Variants in SIRT7 observed in about 807,000 individuals in gnomAD.
SIRT7 encodes NAD-dependent protein deacetylase sirtuin-7.
A neutral mutation model predicts 42.8 loss-of-function variants in SIRT7; 32 were observed. The observed-to-expected ratio is 0.75, with a 90% confidence interval of 0.56 to 1.00. The LOEUF (loss-of-function observed/expected upper bound fraction) is 1.00, where lower values mean the gene tolerates loss of function less well. SIRT7 is among the 50% of genes least tolerant of loss of function. The pLI, the probability that SIRT7 is intolerant of heterozygous loss-of-function variation, is 0.00. For synonymous variants in SIRT7, 297 were observed against 245.2 expected, an observed-to-expected ratio of 1.21 and a Z score of -1.97; for missense variants, 553 against 572.2, an observed-to-expected ratio of 0.97 and a Z score of 0.34.
At chr17:81,916,976 G>A (rs910735512) in intron 3 of SIRT7, 1 of 152,188 alleles carries the variant, frequency 6.6e-6, no homozygotes, top group Non-Finnish European at 1.5e-5. Flanking sequence ...ACGCAGGTGG[G>A]TTTCCCAACT....
Position 81,918,034 on chromosome 17 carries a change from C to G in SIRT7, c.93+5G>C. ...TGGCCGGGCCGGGGAGCGGCGGCGG[C>G]GTACCTGGCGGAGGCGCTCCCTCTG... On this transcript the variant is annotated splice_donor_5th_base_variant and intron_variant, in intron 1 of 9. Transcript: ENST00000328666. 1 of 1,474,810 alleles carries G rather than the reference C, an allele frequency of 6.8e-7. No homozygotes were observed. The allele number at this position is 1,474,810 out of a possible 1,614,324, so 91.4% of individuals were successfully genotyped here.
Position 81,917,924 on chromosome 17 carries a change from T to C in SIRT7, c.137A>G (p.Glu46Gly), listed in dbSNP as rs1312168926. The change falls in exon 2 of 10, where the codon GAG becomes GGG. Residue 46 changes from glutamate to glycine, a missense_variant. Physicochemically the swap from Glu to Gly is moderately conservative, Grantham distance 98. Transcript: ENST00000328666. Reference protein sequence around the residue: ...LRKAAAERSAEEGRLLAESAD... With the variant: ...LRKAAAERSAGEGRLLAESAD... ...GCTCTCGGCCAGCAGCCGGCCCTCC[T>C]CGGCGCTGCGCTCCGCCGCCGCCTT... 1 of 1,410,290 alleles carries C rather than the reference T, an allele frequency of 7.1e-7. No homozygotes were observed. Among genetic ancestry groups the C allele is most frequent in the Middle Eastern group, 2.5e-4 (1 of 3,952 alleles). The allele number at this position is 1,410,290 out of a possible 1,614,324, so 87.4% of individuals were successfully genotyped here. A position where few individuals can be genotyped will look rare whatever the true frequency, so the allele number is the denominator to read the frequency against.
intron 5 of SIRT7, chr17:81,915,072 T>C: frequency 2.1e-6 from 1 of 479,562 alleles, no homozygotes; most frequent in South Asian, 2.2e-5. Flanking sequence ...CCTAGGCAGA[T>C]CAACCACTAC....
Position 81,913,124 on chromosome 17 carries a change from T to G in SIRT7, c.1005-510A>C, listed in dbSNP as rs1598340160. 1 of 370,216 alleles carries G rather than the reference T, an allele frequency of 2.7e-6. No homozygotes were observed. Among genetic ancestry groups the G allele is most frequent in the East Asian group, 7.4e-5 (1 of 13,502 alleles). The allele number at this position is 370,216 out of a possible 1,614,324, so 22.9% of individuals were successfully genotyped here. A position where few individuals can be genotyped will look rare whatever the true frequency, so the allele number is the denominator to read the frequency against. On this transcript the variant is annotated intron_variant, in intron 9 of 9. Coordinates refer to ENST00000328666, the MANE Select transcript of SIRT7 (RefSeq NM_016538.3). The surrounding 1 kb of genome is among the most constrained non-coding windows in gnomAD (Gnocchi z 5.0). ...AACTTAAGATACAGATACGCACTGATAAGGAAAATGAGCTAAGTTAATGTA... is the reference window on the plus strand; with the variant it reads ...AACTTAAGATACAGATACGCACTGAGAAGGAAAATGAGCTAAGTTAATGTA...
chr17:81,915,331 T>A (rs2040774848), intron 5 of SIRT7, 109 bp downstream of exon 5: 1 of 1,269,244 alleles, frequency 7.9e-7, no homozygotes, highest in Admixed American at 2.0e-5. Context: ...TGGGTGCTCA[T>A]CATGGGAGTC....
intron 2 of SIRT7, 44 bp from the exon 3 acceptor site, chr17:81,917,763 C>T (rs2040833556): frequency 1.4e-6 from 2 of 1,463,632 alleles, no homozygotes; most frequent in East Asian, 2.9e-5. Flanking sequence ...CCGCCCCACC[C>T]GGGACCGCCC....
At chr17:81,915,545 A>G (rs202046080) in intron 4 of SIRT7, 33 bp from the exon 5 acceptor site, 9 of 1,613,318 alleles carry the variant, frequency 5.6e-6, no homozygotes, top group Non-Finnish European at 7.6e-6. Context: ...AGGTGAGGAG[A>G]GCTGGAGCTC....
At chr17:81,916,730 G>A (rs982128961) in intron 3 of SIRT7, 1 of 152,198 alleles carries the variant, frequency 6.6e-6, no homozygotes, top group Non-Finnish European at 1.5e-5. Context: ...CTCCCAAAGT[G>A]CTAGGATTAT....
Position 81,913,817 on chromosome 17 carries a change from G to A in SIRT7, c.961C>T (p.Leu321Phe). The A allele has an allele frequency of 6.5e-7, 1 of 1,549,640 alleles. No individual in the cohort carries two copies. The highest frequency in any genetic ancestry group is 2.4e-5 in the East Asian group (1 of 40,998). The change falls in exon 9 of 10, where the codon CTC becomes TTC. Residue 321 changes from leucine to phenylalanine, a missense_variant. Leu to Phe is a conservative substitution (Grantham distance 22). Coordinates refer to ENST00000328666, the MANE Select transcript of SIRT7 (RefSeq NM_016538.3). The surrounding 1 kb of genome is among the most constrained non-coding windows in gnomAD (Gnocchi z 5.0). Reference protein sequence around the residue: ...LHGKCDDVMRLLMAELGLEIP... With the variant: ...LHGKCDDVMRFLMAELGLEIP... ...TCCAAGCCCAGCTCGGCCATGAGGA[G>A]CCGCATGACGTCATCACACTTCCCA...
At chr17:81,912,786 G>A (rs915015706) in intron 9 of SIRT7, 172 bp from the exon 10 acceptor site, 4 of 710,722 alleles carry the variant, frequency 5.6e-6, no homozygotes, top group Middle Eastern at 3.8e-4. Flanking sequence ...GCTGCAGAAC[G>A]GATGTGGGAG....
chr17:81,915,998 A>G lies in SIRT7; in HGVS notation c.337-317T>C, dbSNP rs567493044. On this transcript the variant is annotated intron_variant, in intron 3 of 9. Transcript: ENST00000328666. The stretch of plus-strand genomic sequence containing the variant: ...GCTCTGTGGCACATGTGTCCTCCAC[A>G]CTGCAGGGGAAGACTAGTCATGTTC... The G allele has an allele frequency of 8.1e-4, 317 of 392,502 alleles. 2 individuals are homozygous for G. Among genetic ancestry groups the G allele is most frequent in the African/African-American group, 6.0e-3 (294 of 48,710 alleles). 24.3% of individuals were successfully genotyped at this position (392,502 alleles called of 1,614,324 possible). A position where few individuals can be genotyped will look rare whatever the true frequency, so the allele number is the denominator to read the frequency against.
In SIRT7 at chr17:81,914,136, A is replaced by G; in HGVS notation, c.848T>C (p.Met283Thr). The G allele has an allele frequency of 6.2e-6, 10 of 1,613,644 alleles. No individual in the cohort carries two copies. The highest frequency in any genetic ancestry group is 8.5e-6 in the Non-Finnish European group (10 of 1,180,028). Residue 283 changes from methionine (M) to threonine (T), a missense_variant, in exon 8 of 10, where the codon ATG (methionine) becomes ACG (threonine). By Grantham distance (81) the Met-to-Thr change is moderately conservative. Transcript: ENST00000328666. ...CGGCCGCCGGCTAGGGGGCTTGGTC[A>G]TGCACCAGAGGCGTGGGTACTTCTT... ...VLKKYPRLWC[M>T]TKPPSRRPKL...
At position 81,915,651 on chromosome 17, in the gene SIRT7, T is replaced by C; in HGVS notation, c.367A>G (p.Asn123Asp). Residue 123 changes from asparagine to aspartate, a missense_variant, in exon 4 of 10, where the codon AAT becomes GAT. By Grantham distance (23) the Asn-to-Asp change is conservative. Transcript: ENST00000328666. ...AASIPDYRGPNGVWTLLQKGR... is the reference protein window; with the variant it reads ...AASIPDYRGPDGVWTLLQKGR... The stretch of plus-strand genomic sequence containing the variant: ...TTCTGAAGCAGTGTCCACACTCCAT[T>C]AGGGCCCCGGTAGTCTGGGATAGAC... 6.2e-7 allele frequency: 1 copy of C among 1,613,918 alleles called. No homozygotes were observed. The highest frequency in any genetic ancestry group is 8.5e-7 in the Non-Finnish European group (1 of 1,180,006).
intron 3 of SIRT7, 190 bp downstream of exon 3, chr17:81,917,425 C>A (rs1191889816): frequency 1.6e-5 from 8 of 504,190 alleles, no homozygotes; most frequent in Non-Finnish European, 2.0e-5. Flanking sequence ...CCATTCGTAT[C>A]TCTACTCCTT....
chr17:81,912,936 C>T (rs1293857485), intron 9 of SIRT7: 1 of 432,510 alleles, frequency 2.3e-6, no homozygotes, highest in Non-Finnish European at 4.3e-6. Context: ...CCTCCGTCTC[C>T]AGGGATGAGT....
At position 81,914,519 on chromosome 17, in the gene SIRT7, G is replaced by A. The variant is rs1396015830; in HGVS notation, c.591C>T (p.Ser197=). Residue 197 remains serine (S), a synonymous_variant, in exon 7 of 10, where the codon TCC becomes TCT. Coordinates refer to ENST00000328666, the MANE Select transcript of SIRT7 (RefSeq NM_016538.3). ...GCACGTACTCCCTGTTGGGAACGCA[G>A]GAGGTACAGACCTAGAGGCAAGAGG... ...HGNMYIEVCT[S]CVPNREYVRV... is the part of the protein sequence containing the mutation. The A allele has an allele frequency of 6.2e-7, 1 of 1,613,254 alleles. No homozygotes were observed. Among genetic ancestry groups the A allele is most frequent in the Admixed American group, 1.7e-5 (1 of 60,026 alleles).
In SIRT7 at chr17:81,913,636, A is replaced by C; in HGVS notation, c.1004+138T>G. 1 of 730,660 alleles carries C rather than the reference A, an allele frequency of 1.4e-6. No individual in the cohort carries two copies. The highest frequency in any genetic ancestry group is 2.3e-6 in the Non-Finnish European group (1 of 441,236). The allele number at this position is 730,660 out of a possible 1,614,324, so 45.3% of individuals were successfully genotyped here. ...ACCACCGAGGTCAGGCCCTCTGGAG[A>C]CCACCACGCTTCAGTCATGCCTCAG... is the stretch of plus-strand genomic sequence containing the variant. On this transcript the variant is annotated intron_variant, in intron 9 of 9. Transcript: ENST00000328666. The surrounding 1 kb of genome is among the most constrained non-coding windows in gnomAD (Gnocchi z 5.0).
chr17:81,912,380 C>G lies in SIRT7; in HGVS notation c.*36G>C, dbSNP rs772273434. 5 of 1,613,716 alleles carry G rather than the reference C, an allele frequency of 3.1e-6. 1 individual carries two copies. The South Asian group carries it at 5.5e-5, about 18-fold the overall frequency. ...CAGCCTTCACCGTGACACTGGCCAT[C>G]TGCAAAGTGCCAACTGTTCTTCATC... is the stretch of plus-strand genomic sequence containing the variant. On this transcript the variant is annotated 3_prime_UTR_variant, in exon 10 of 10. Coordinates refer to ENST00000328666, the MANE Select transcript of SIRT7 (RefSeq NM_016538.3).
chr17:81,915,234 C>T (rs750020393), intron 5 of SIRT7: 40 of 601,750 alleles, frequency 6.6e-5, no homozygotes, highest in Non-Finnish European at 1.0e-4. Flanking sequence ...AGGCTGGCTG[C>T]GGATGGGATG....
Sources: gnomAD v4.1 joint callset for allele counts on GRCh38, gnomAD v4.1.1 for gene constraint, Gnocchi (gnomAD v3.1) non-coding constraint, MANE v1.5 for transcripts, NCBI Gene and HGNC (gene_info 2026-07-23, HGNC 2026-07-21) for gene names.